Variants in NT5C1B observed in about 807,000 individuals in gnomAD.
NT5C1B encodes 5'-nucleotidase, cytosolic IB, also known as cytosolic 5'-nucleotidase 1B.
Under a neutral mutation model 57.8 loss-of-function variants are expected in NT5C1B, and 44 were observed. The observed-to-expected ratio is 0.76, with a 90% CI of 0.60 to 0.98. NT5C1B has a LOEUF of 0.98. NT5C1B is among the 50% of genes least tolerant of loss of function. The pLI, the probability that NT5C1B is intolerant of heterozygous loss-of-function variation, is 0.00. For synonymous variants in NT5C1B, 284 were observed against 282.6 expected, an observed-to-expected ratio of 1.00 and a Z score of -0.05; for missense variants, 742 against 719.5, an observed-to-expected ratio of 1.03 and a Z score of -0.36.
At chr2:18,578,824 C>T (rs1462683012) in intron 6 of NT5C1B, among the ~76,000 whole-genome samples, 1 of 152,016 alleles carries the variant, frequency 6.6e-6, no homozygotes, top group Non-Finnish European at 1.5e-5. Context: ...TGACAAAAGA[C>T]ATTAAAATAG....
Position 18,582,849 on chromosome 2 carries a change from T to C in NT5C1B, c.1021+19A>G, listed in dbSNP as rs1488186675. 1 of 1,610,554 alleles carries C rather than the reference T, an allele frequency of 6.2e-7. No homozygotes were observed. Among genetic ancestry groups the C allele is most frequent in the East Asian group, 2.2e-5 (1 of 44,824 alleles). ...CAGAGCGGAGAGCTGGTCTTCCACATGGTATTTATTTTACTTACCGTAGTG... is the reference window on the plus strand; with the variant it reads ...CAGAGCGGAGAGCTGGTCTTCCACACGGTATTTATTTTACTTACCGTAGTG... On this transcript the variant is annotated intron_variant, in intron 6 of 8. Transcript: ENST00000304081.
chr2:18,584,592 C>T lies in NT5C1B; in HGVS notation c.645G>A (p.Glu215=), dbSNP rs748663158. 2.8e-5 allele frequency: 45 copies of T among 1,612,428 alleles called. No homozygotes were observed. Among genetic ancestry groups the T allele is most frequent in the Non-Finnish European group, 3.6e-5 (42 of 1,179,428 alleles). The change falls in exon 4 of 9, where the codon GAG becomes GAA. Residue 215 remains glutamate (E), a synonymous_variant. Coordinates refer to ENST00000304081, the Ensembl canonical transcript of NT5C1B. The surrounding 1 kb of genome is among the most constrained non-coding windows in gnomAD (Gnocchi z 5.8). ...CCCAGTAGGCAGCCTCGTAGTCGTC[C>T]TCGTCCTCCCGCTGCTGCTGCTGCT...
intron 6 of NT5C1B, among the ~76,000 whole-genome samples, chr2:18,581,867 G>T (rs1666216828): frequency 6.6e-6 from 1 of 152,164 alleles, no homozygotes; most frequent in South Asian, 2.1e-4. Flanking sequence ...TGGGTCAAAA[G>T]ATTTTTATTC....
intron 2 of NT5C1B, 132 bp downstream of exon 2, chr2:18,587,371 A>T: frequency 6.7e-7 from 1 of 1,498,856 alleles, no homozygotes; most frequent in Non-Finnish European, 8.9e-7. Flanking sequence ...CCTTCTCATG[A>T]GGACATTAGG....
At chr2:18,583,025 A>C (rs1335856701) in intron 5 of NT5C1B, 28 bp from the exon 6 acceptor site, 1 of 1,605,296 alleles carries the variant, frequency 6.2e-7, no homozygotes, top group African/African-American at 1.3e-5. Flanking sequence ...GAATGTGTGT[A>C]AAGAGGGGCA....
chr2:18,583,363 T>A, intron 5 of NT5C1B: 1 of 177,818 alleles, frequency 5.6e-6, no homozygotes, highest in South Asian at 1.3e-4. Flanking sequence ...TTTTTTTTAT[T>A]TTGAAAAATA....
Position 18,586,920 on chromosome 2 carries a change from ATTTGC to A in NT5C1B, c.121-534_121-530del, listed in dbSNP as rs775484627. On this transcript the variant is annotated intron_variant, in intron 2 of 8. Transcript: ENST00000304081. ...GGAACAGCAAAGTAAAAGAGTTTCT[ATTTGC>A]CATATTCTTCCCCTCACCCAGGTTG... The A allele has an allele frequency of 1.3e-4, 202 of 1,607,928 alleles. 1 individual carries two copies. The African/African-American group carries it at 1.5e-3, about 12-fold the overall frequency.
chr2:18,582,728 G>T lies in NT5C1B; in HGVS notation c.1021+140C>A, dbSNP rs182280756. 1.6e-5 allele frequency: 21 copies of T among 1,292,562 alleles called. No individual in the cohort carries two copies. The Admixed American group carries it at 3.0e-4, about 18-fold the overall frequency. The allele number at this position is 1,292,562 out of a possible 1,614,324, so 80.1% of individuals were successfully genotyped here. Reference sequence around the variant, plus strand: ...CATGGCCTCTCTTGTTCTGACATAGGCAAATAAACATTCCTGGCGCAGAAG... The same window carrying T: ...CATGGCCTCTCTTGTTCTGACATAGTCAAATAAACATTCCTGGCGCAGAAG... On this transcript the variant is annotated intron_variant, in intron 6 of 8. Transcript: ENST00000304081.
exon 2 of NT5C1B, chr2:18,587,551 T>C (rs2148186888): frequency 6.2e-7 from 1 of 1,614,028 alleles, no homozygotes; most frequent in Non-Finnish European, 8.5e-7. Flanking sequence ...TTCTTTTTTC[T>C]GCTTCTAGAC....
chr2:18,584,677 C>A lies in NT5C1B; in HGVS notation c.560G>T (p.Ser187Ile), dbSNP rs1377901343. 6.2e-7 allele frequency: 1 copy of A among 1,612,164 alleles called. No homozygotes were observed. The highest frequency in any genetic ancestry group is 2.2e-5 in the East Asian group (1 of 44,786). Residue 187 changes from serine to isoleucine, a missense_variant, in exon 4 of 9, where the codon AGC becomes ATC. Ser to Ile is a moderately radical substitution (Grantham distance 142, BLOSUM62 -2). Coordinates refer to ENST00000304081, the Ensembl canonical transcript of NT5C1B. The surrounding 1 kb of genome is among the most constrained non-coding windows in gnomAD (Gnocchi z 5.8). ...GGCGGGGTAGATCCCCCTGCGCTGG[C>A]TGGAGGACTTCCACTCGGTGGGGGA...
At position 18,570,186 on chromosome 2, in the gene NT5C1B, G is replaced by T. The variant is rs55877403; in HGVS notation, c.1329+5998C>A. Among the ~76,000 whole-genome samples, 1,165 of 152,020 alleles carry T rather than the reference G, an allele frequency of 7.7e-3. 16 individuals are homozygous for T. Among genetic ancestry groups the T allele is most frequent in the African/African-American group, 0.026 (1,077 of 41,520 alleles). On this transcript the variant is annotated intron_variant, in intron 8 of 8. Transcript: ENST00000304081. The stretch of plus-strand genomic sequence containing the variant: ...AAAAAAATCATCTATCAAAATTTGT[G>T]GGATGCAACTACAGCGGTGTTTAGA...
At chr2:18,576,638 T>G in intron 7 of NT5C1B, 135 bp downstream of exon 7, 2 of 1,422,386 alleles carry the variant, frequency 1.4e-6, no homozygotes, top group Non-Finnish European at 1.9e-6. Flanking sequence ...CAGACTTAAG[T>G]GTTGCCCCAT....
chr2:18,576,636 A>G, intron 7 of NT5C1B, 137 bp downstream of exon 7: 1 of 1,413,016 alleles, frequency 7.1e-7, no homozygotes. Context: ...GACAGACTTA[A>G]GTGTTGCCCC....
chr2:18,586,562 G>A (rs750167567), intron 2 of NT5C1B, 171 bp from the exon 3 acceptor site: 87 of 1,031,040 alleles, frequency 8.4e-5, no homozygotes, highest in Non-Finnish European at 1.1e-4. Context: ...TTCTAACTCT[G>A]GTCTAGTCCT....
In NT5C1B at chr2:18,584,294, C is replaced by T. The variant is rs1666464393; in HGVS notation, c.724-39G>A. 1.9e-6 allele frequency: 3 copies of T among 1,601,686 alleles called. No individual in the cohort carries two copies. The highest frequency in any genetic ancestry group is 1.1e-5 in the South Asian group (1 of 88,586). On this transcript the variant is annotated intron_variant, in intron 4 of 8. Transcript: ENST00000304081. This position sits in a 1 kb window ranked among gnomAD's most constrained non-coding sequence, Gnocchi z 5.8. ...CGCCAAAGGGAGGATAGTCACATAGCCACGAAGAGGACAGGGTTGGGGCTC... is the reference window on the plus strand; with the variant it reads ...CGCCAAAGGGAGGATAGTCACATAGTCACGAAGAGGACAGGGTTGGGGCTC...
rs982330144 is a variant in NT5C1B, at chr2:18,584,800, C to T, written c.437G>A (p.Ser146Asn). 1 of 1,613,280 alleles carries T rather than the reference C, an allele frequency of 6.2e-7. No homozygotes were observed. The highest frequency in any genetic ancestry group is 1.3e-5 in the African/African-American group (1 of 75,042). ...CTCCGGATTCTCTTGCATTTTGGTG[C>T]TGCGCCGGGAGCCAGGATCGGGCTC... The change falls in exon 4 of 9, where the codon AGC becomes AAC. Residue 146 changes from serine to asparagine, a missense_variant. Transcript: ENST00000304081. The surrounding 1 kb of genome is among the most constrained non-coding windows in gnomAD (Gnocchi z 5.8).
exon 9 of NT5C1B, chr2:18,563,611 G>A: frequency 1.8e-6 from 1 of 542,612 alleles, no homozygotes. Context: ...GTAGTTCAAA[G>A]AGAAGTAGTT....
At chr2:18,572,171 A>G (rs1665265982) in intron 8 of NT5C1B, among the ~76,000 whole-genome samples, 1 of 152,042 alleles carries the variant, frequency 6.6e-6, no homozygotes, top group African/African-American at 2.4e-5. Flanking sequence ...TCTGTATTAA[A>G]GGAACAAGGC....
At position 18,584,379 on chromosome 2, in the gene NT5C1B, G is replaced by C; in HGVS notation, c.724-124C>G. The C allele has an allele frequency of 6.5e-7, 1 of 1,533,690 alleles. No individual in the cohort carries two copies. Among genetic ancestry groups the C allele is most frequent in the Non-Finnish European group, 8.8e-7 (1 of 1,141,672 alleles). On this transcript the variant is annotated intron_variant, in intron 4 of 8. Coordinates refer to ENST00000304081, the Ensembl canonical transcript of NT5C1B. This position sits in a 1 kb window ranked among gnomAD's most constrained non-coding sequence, Gnocchi z 5.8. ...CTGCTTGGAGAAGCGGGATGCTGGA[G>C]ACAGCTGAGGCTGGGACTCCCCGAA...
Sources: gnomAD v4.1 joint callset for allele counts (sites outside exome capture counted in the v4.1 genomes callset) on GRCh38, gnomAD v4.1.1 for gene constraint, Gnocchi (gnomAD v3.1) non-coding constraint, MANE v1.5 for transcripts, NCBI Gene and HGNC (gene_info 2026-07-23, HGNC 2026-07-21) for gene names.